PSMD12: variants seen among roughly 807,000 people sequenced by gnomAD.
PSMD12 encodes proteasome 26S subunit, non-ATPase 12, also known as 26S proteasome non-ATPase regulatory subunit 12.
PSMD12 carries 8 observed loss-of-function variants against 62.9 expected under a neutral mutation model. The ratio of observed to expected loss-of-function variants is 0.13; its 90% CI spans 0.07 to 0.23. PSMD12 has a LOEUF of 0.23. Ranked by LOEUF, PSMD12 falls within the 10% of genes least tolerant of loss-of-function variation. PSMD12 has a pLI of 1.00. For missense variants in PSMD12, 424 were observed against 550.2 expected, an observed-to-expected ratio of 0.77 and a Z score of 2.29; for synonymous variants, 173 against 187.4, an observed-to-expected ratio of 0.92 and a Z score of 0.63.
intron 1 of PSMD12, among the ~76,000 whole-genome samples, chr17:67,364,429 GA>G (rs1015608321): frequency 1.3e-5 from 2 of 152,348 alleles, no homozygotes; most frequent in Non-Finnish European, 2.9e-5. Context: ...CTGTAGCAGT[GA>G]AGTCTTTTTT....
intron 1 of PSMD12, among the ~76,000 whole-genome samples, chr17:67,358,440 T>C (rs1334168517): frequency 2.0e-5 from 3 of 151,670 alleles, no homozygotes; most frequent in Non-Finnish European, 2.9e-5. Flanking sequence ...TTGTGGTGCA[T>C]ACCTGTAGTC....
At chr17:67,342,839 G>C (rs1567951803) in intron 9 of PSMD12, among the ~76,000 whole-genome samples, 1 of 92,122 alleles carries the variant, frequency 1.1e-5, no homozygotes, top group South Asian at 3.1e-4. Flanking sequence ...AGGAAGCTGA[G>C]GGGGGAGAAT....
intron 1 of PSMD12, among the ~76,000 whole-genome samples, chr17:67,361,569 GA>G (rs2042128072): frequency 6.6e-6 from 1 of 151,858 alleles, no homozygotes; most frequent in African/African-American, 2.4e-5. Context: ...GTGAAAGAGC[GA>G]AACTCGGTCT....
chr17:67,357,635 T>G, intron 1 of PSMD12, 57 bp from the exon 2 acceptor site: 3 of 1,527,564 alleles, frequency 2.0e-6, no homozygotes, highest in South Asian at 1.1e-5. Flanking sequence ...AAATAACTAG[T>G]CTAAAATGAA....
intron 1 of PSMD12, among the ~76,000 whole-genome samples, chr17:67,365,349 A>G (rs973000688): frequency 2.0e-5 from 3 of 152,132 alleles, no homozygotes; most frequent in Non-Finnish European, 2.9e-5. Flanking sequence ...ATGTGATTCA[A>G]CTTTTTCTAG....
At chr17:67,350,402 T>G in intron 3 of PSMD12, 66 bp from the exon 4 acceptor site, 1 of 1,206,084 alleles carries the variant, frequency 8.3e-7, no homozygotes, top group East Asian at 2.6e-5. Context: ...TGTATTTTAT[T>G]GATCAAAGAG....
At position 67,350,211 on chromosome 17, in the gene PSMD12, T is replaced by A; in HGVS notation, c.405+18A>T. On this transcript the variant is annotated intron_variant, in intron 4 of 10. Transcript: ENST00000356126. ...AAACAGTTCATATCATTTTGAGTTATGTCAACAGAAAATTTACCTTGCCTT... is the reference window on the plus strand; with the variant it reads ...AAACAGTTCATATCATTTTGAGTTAAGTCAACAGAAAATTTACCTTGCCTT... The A allele has an allele frequency of 6.5e-7, 1 of 1,532,800 alleles. No homozygotes were observed. The highest frequency in any genetic ancestry group is 9.0e-7 in the Non-Finnish European group (1 of 1,113,544). 94.9% of individuals were successfully genotyped at this position (1,532,800 alleles called of 1,614,324 possible). A position where few individuals can be genotyped will look rare whatever the true frequency, so the allele number is the denominator to read the frequency against.
At chr17:67,343,418 TCTC>T (rs1343731901) in intron 9 of PSMD12, among the ~76,000 whole-genome samples, 2 of 152,116 alleles carry the variant, frequency 1.3e-5, no homozygotes, top group African/African-American at 4.8e-5. Flanking sequence ...TCTTCTCTAG[TCTC>T]CTATCTCTCC....
At chr17:67,342,954 A>AG (rs1432905318) in intron 9 of PSMD12, among the ~76,000 whole-genome samples, 1 of 152,082 alleles carries the variant, frequency 6.6e-6, no homozygotes, top group East Asian at 1.9e-4. Context: ...AAAAAAAAAA[A>AG]AAGATTAGAC....
chr17:67,347,314 A>G (rs1382907313), intron 6 of PSMD12, 22 bp downstream of exon 6: 3 of 1,612,154 alleles, frequency 1.9e-6, no homozygotes, highest in East Asian at 2.2e-5. Flanking sequence ...TAAAGTAAAC[A>G]TGTGGTCACA....
intron 3 of PSMD12, among the ~76,000 whole-genome samples, chr17:67,353,578 AT>A (rs1209319407): frequency 5.9e-5 from 9 of 152,332 alleles, no homozygotes; most frequent in Admixed American, 2.6e-4. Context: ...AAGTGCTAGG[AT>A]TACAGGTGTG....
intron 9 of PSMD12, among the ~76,000 whole-genome samples, chr17:67,343,099 GTAT>G (rs2041930872): frequency 6.6e-6 from 1 of 151,966 alleles, no homozygotes; most frequent in African/African-American, 2.4e-5. Flanking sequence ...CTTATTGGTA[GTAT>G]TATTAACAAT....
At chr17:67,354,646 CTAA>C (rs530924078) in intron 3 of PSMD12, among the ~76,000 whole-genome samples, 5 of 152,186 alleles carry the variant, frequency 3.3e-5, no homozygotes, top group African/African-American at 1.2e-4. Context: ...GATGGTTTGT[CTAA>C]TAATTGTCTC....
chr17:67,350,074 C>T (rs2042003191), intron 4 of PSMD12, among the ~76,000 whole-genome samples, 155 bp downstream of exon 4: 1 of 152,018 alleles, frequency 6.6e-6, no homozygotes, highest in Admixed American at 6.6e-5. Flanking sequence ...AAGGGATGTA[C>T]AAAGACATTA....
intron 1 of PSMD12, among the ~76,000 whole-genome samples, chr17:67,364,693 T>C (rs2042163332): frequency 6.6e-6 from 1 of 152,254 alleles, no homozygotes; most frequent in South Asian, 2.1e-4. Flanking sequence ...AGCTACATTG[T>C]ATTGGCTCAA....
intron 4 of PSMD12, 117 bp downstream of exon 4, chr17:67,350,112 G>T: frequency 1.7e-6 from 1 of 600,480 alleles, no homozygotes; most frequent in Non-Finnish European, 2.7e-6. Context: ...ATGACATTTT[G>T]TGTATTTCTT....
At chr17:67,344,386 G>A (rs982050866) in intron 9 of PSMD12, among the ~76,000 whole-genome samples, 1 of 152,156 alleles carries the variant, frequency 6.6e-6, no homozygotes, top group Non-Finnish European at 1.5e-5. Flanking sequence ...GGGAAATGCA[G>A]AGTAAACATC....
chr17:67,340,591 C>A lies in PSMD12; in HGVS notation c.*252G>T. 5.8e-6 allele frequency: 2 copies of A among 346,744 alleles called. No individual in the cohort carries two copies. The highest frequency in any genetic ancestry group is 1.0e-5 in the Non-Finnish European group (2 of 195,752). The allele number at this position is 346,744 out of a possible 1,614,324, so 21.5% of individuals were successfully genotyped here. On this transcript the variant is annotated 3_prime_UTR_variant, in exon 11 of 11. Coordinates refer to ENST00000356126, the MANE Select transcript of PSMD12 (RefSeq NM_002816.5). ...AAAAAGGTTTCAAATGATAGAAAAACATATCTGGGTAAGTTATGACACAAC... is the reference window on the plus strand; with the variant it reads ...AAAAAGGTTTCAAATGATAGAAAAAAATATCTGGGTAAGTTATGACACAAC...
At chr17:67,343,999 C>T (rs1040936290) in intron 9 of PSMD12, among the ~76,000 whole-genome samples, 1 of 152,164 alleles carries the variant, frequency 6.6e-6, no homozygotes, top group African/African-American at 2.4e-5. Flanking sequence ...CCACCACGCC[C>T]GGCCTAGGGA....
Sources: allele counts gnomAD v4.1 joint callset (sites outside exome capture counted in the v4.1 genomes callset), GRCh38; gene constraint gnomAD v4.1.1; transcripts MANE v1.5; gene names NCBI Gene and HGNC (gene_info 2026-07-23, HGNC 2026-07-21).